Variants in HCN1 observed in about 807,000 individuals in gnomAD.
HCN1 encodes potassium/sodium hyperpolarization-activated cyclic nucleotide-gated channel 1.
HCN1 carries 13 observed loss-of-function variants against 78.9 expected under a neutral mutation model. The ratio of observed to expected loss-of-function variants is 0.16; its 90% confidence interval spans 0.11 to 0.26. The LOEUF is 0.26. Ranked by LOEUF, HCN1 falls within the 10% of genes least tolerant of loss-of-function variation. HCN1 has a pLI of 1.00. For missense variants in HCN1, 810 were observed against 1,154.3 expected, an observed-to-expected ratio of 0.70 and a Z score of 4.32; for synonymous variants, 552 against 455.5, an observed-to-expected ratio of 1.21 and a Z score of -2.70.
chr5:45,674,123 C>A (rs1746217849), intron 1 of HCN1, among the ~76,000 whole-genome samples: 2 of 151,060 alleles, frequency 1.3e-5, no homozygotes, highest in South Asian at 4.2e-4. Flanking sequence ...TTTTCATTGG[C>A]TTTTAGTTGA....
intron 3 of HCN1, among the ~76,000 whole-genome samples, chr5:45,415,973 A>G (rs1210664130): frequency 6.6e-6 from 1 of 152,046 alleles, no homozygotes; most frequent in African/African-American, 2.4e-5. Context: ...AGATGTCTTC[A>G]TCTGAGCCAC....
rs1744734754 is a variant in HCN1 at position 45,261,514 on chromosome 5, T to C, written c.*407A>G. Reference sequence around the variant, plus strand: ...GCTAATGAAAGAAAGTTTTGATTGGTGCTATTTACTAGTTCATTTGAGTTG... The same window carrying C: ...GCTAATGAAAGAAAGTTTTGATTGGCGCTATTTACTAGTTCATTTGAGTTG... On this transcript the variant is annotated 3_prime_UTR_variant, in exon 8 of 8. Transcript: ENST00000303230. The C allele has an allele frequency of 6.3e-6, 1 of 157,916 alleles. No individual in the cohort carries two copies. The highest frequency in any genetic ancestry group is 1.8e-4 in the East Asian group (1 of 5,442). 9.8% of individuals were successfully genotyped at this position (157,916 alleles called of 1,614,324 possible).
At chr5:45,422,492 C>T (rs1740249326) in intron 3 of HCN1, among the ~76,000 whole-genome samples, 2 of 152,166 alleles carry the variant, frequency 1.3e-5, no homozygotes, top group Admixed American at 1.3e-4. Flanking sequence ...AATCACCCCT[C>T]AAGGGCCAAA....
chr5:45,451,173 G>T (rs1216917085), intron 3 of HCN1, among the ~76,000 whole-genome samples: 1 of 152,034 alleles, frequency 6.6e-6, no homozygotes, highest in African/African-American at 2.4e-5. Flanking sequence ...ATAAATATTT[G>T]TATATAAACT....
intron 1 of HCN1, among the ~76,000 whole-genome samples, chr5:45,671,841 A>C (rs1278543013): frequency 5.3e-5 from 8 of 151,584 alleles, no homozygotes; most frequent in African/African-American, 1.9e-4. Flanking sequence ...AAAATCTGTT[A>C]TTGTTATATT....
chr5:45,629,850 C>T (rs1745238461), intron 2 of HCN1, among the ~76,000 whole-genome samples: 1 of 152,128 alleles, frequency 6.6e-6, no homozygotes, highest in Non-Finnish European at 1.5e-5. Context: ...TATTCATCCA[C>T]AATTAATAAA....
At chr5:45,459,401 CAAA>C (rs34217584) in intron 3 of HCN1, among the ~76,000 whole-genome samples, 2 of 111,628 alleles carry the variant, frequency 1.8e-5, no homozygotes, top group Non-Finnish European at 3.9e-5. Flanking sequence ...AATCTGCAGC[CAAA>C]AAAAAAAAAA....
At chr5:45,278,427 C>A (rs1397916275) in intron 6 of HCN1, among the ~76,000 whole-genome samples, 1 of 152,046 alleles carries the variant, frequency 6.6e-6, no homozygotes, top group African/African-American at 2.4e-5. Context: ...ATAAAGAAAT[C>A]CTATTACCAC....
intron 3 of HCN1, among the ~76,000 whole-genome samples, chr5:45,399,930 A>G (rs1739759013): frequency 6.6e-6 from 1 of 152,160 alleles, no homozygotes; most frequent in Non-Finnish European, 1.5e-5. Flanking sequence ...AACTCATGCA[A>G]AAACTCTTAT....
rs189552681 is a variant in HCN1 at position 45,275,729 on chromosome 5, C to T, written c.1619-8476G>A. On this transcript the variant is annotated intron_variant, in intron 6 of 7. Coordinates refer to ENST00000303230, the MANE Select transcript of HCN1 (RefSeq NM_021072.4). ...TAGGTAGGAAACAATCTCAGGTAGCCGCGTGTTAGCCCATGTGACATAAAC... is the reference window on the plus strand; with the variant it reads ...TAGGTAGGAAACAATCTCAGGTAGCTGCGTGTTAGCCCATGTGACATAAAC... Among the ~76,000 whole-genome samples, 28 of 152,122 alleles carry T rather than the reference C, an allele frequency of 1.8e-4. No individual in the cohort carries two copies. The East Asian group carries it at 1.9e-3, about 10-fold the overall frequency.
At chr5:45,574,258 A>T (rs1188517367) in intron 2 of HCN1, among the ~76,000 whole-genome samples, 1 of 152,108 alleles carries the variant, frequency 6.6e-6, no homozygotes, top group Non-Finnish European at 1.5e-5. Flanking sequence ...TGCCATTTTT[A>T]CAATAGTATG....
In HCN1 at chr5:45,535,837, G is replaced by T. The variant is rs1217765349; in HGVS notation, c.850-73830C>A. Among the ~76,000 whole-genome samples the T allele has an allele frequency of 3.3e-5, 5 of 152,004 alleles. No individual in the cohort carries two copies. The South Asian group carries it at 1.0e-3, about 31-fold the overall frequency. The stretch of plus-strand genomic sequence containing the variant: ...ACACTGATTATTTTTAATCCTTTCT[G>T]GTAATCCGATTCCTTCAGACTCTTA... On this transcript the variant is annotated intron_variant, in intron 2 of 7. Transcript: ENST00000303230.
chr5:45,648,199 T>C (rs1227420618), intron 1 of HCN1, among the ~76,000 whole-genome samples: 1 of 152,118 alleles, frequency 6.6e-6, no homozygotes. Flanking sequence ...CCCAGCAACC[T>C]AATGAAAAAT....
intron 4 of HCN1, among the ~76,000 whole-genome samples, chr5:45,371,401 A>G (rs1747354539): frequency 6.6e-6 from 1 of 151,906 alleles, no homozygotes; most frequent in Admixed American, 6.6e-5. Context: ...ATAAAGAAAT[A>G]AAGAGAAGAT....
chr5:45,332,135 G>A (rs1187284670), intron 5 of HCN1, among the ~76,000 whole-genome samples: 1 of 151,278 alleles, frequency 6.6e-6, no homozygotes, highest in Non-Finnish European at 1.5e-5. Flanking sequence ...GAGCCTGGAT[G>A]CTAAATAGAA....
chr5:45,317,750 C>T (rs560550697), intron 5 of HCN1, among the ~76,000 whole-genome samples: 33 of 152,122 alleles, frequency 2.2e-4, no homozygotes, highest in African/African-American at 6.3e-4. Context: ...AAAAAGTGGG[C>T]GAAGGATATG....
intron 3 of HCN1, among the ~76,000 whole-genome samples, chr5:45,407,146 A>G (rs547062677): frequency 1.3e-5 from 2 of 152,284 alleles, no homozygotes; most frequent in Admixed American, 1.3e-4. Context: ...CATGCACCAC[A>G]TAATGATGTT....
chr5:45,628,577 G>A (rs979375512), intron 2 of HCN1, among the ~76,000 whole-genome samples: 1 of 152,106 alleles, frequency 6.6e-6, no homozygotes, highest in Non-Finnish European at 1.5e-5. Flanking sequence ...AAATATAAAT[G>A]ATTTTAGTAT....
intron 4 of HCN1, among the ~76,000 whole-genome samples, chr5:45,378,354 T>C (rs1053691515): frequency 6.6e-6 from 1 of 152,084 alleles, no homozygotes; most frequent in African/African-American, 2.4e-5. Flanking sequence ...AGAGTGCCAA[T>C]TTTCTTGATA....
Sources: allele counts gnomAD v4.1 joint callset (sites outside exome capture counted in the v4.1 genomes callset), GRCh38; gene constraint gnomAD v4.1.1; transcripts MANE v1.5; gene names NCBI Gene and HGNC (gene_info 2026-07-23, HGNC 2026-07-21).